Variants in EBF4 observed in about 807,000 individuals in gnomAD.
The protein encoded by EBF4 is EBF transcription factor 4, also known as transcription factor COE4.
EBF4 carries 34 observed loss-of-function variants against 67.1 expected under a neutral mutation model. That is an observed-to-expected ratio of 0.51 (90% CI 0.39 to 0.67). EBF4 has a LOEUF of 0.67. EBF4 is among the 30% of genes least tolerant of loss of function. EBF4 has a pLI of 0.00. For synonymous variants in EBF4, 387 were observed against 377.7 expected (o/e 1.02, Z -0.29); for missense variants, 837 against 873.3 (o/e 0.96, Z 0.52).
At chr20:2,699,756 G>A (rs192321307) in intron 1 of EBF4, among the ~76,000 whole-genome samples, 1 of 152,344 alleles carries the variant, frequency 6.6e-6, no homozygotes, top group East Asian at 1.9e-4. Flanking sequence ...AGCTGTTTCT[G>A]AATTATGGGT....
rs1052085988 is a variant in EBF4, at chr20:2,751,967, G to C, written c.1153G>C (p.Gly385Arg). The C allele has an allele frequency of 1.3e-6, 2 of 1,548,560 alleles. No individual in the cohort carries two copies. The highest frequency in any genetic ancestry group is 2.7e-5 in the African/African-American group (2 of 72,990). Residue 385 changes from glycine to arginine, a missense_variant, in exon 12 of 17, where the codon GGA becomes CGA. This residue lies in a region of EBF4 where 525 missense variants were observed against 496.5 expected (regional missense o/e 1.06). Transcript: ENST00000609451. This position sits in a 1 kb window ranked among gnomAD's most constrained non-coding sequence, Gnocchi z 5.2. ...GGCCGACTTGGCAGAAGCCCTGTAC[G>C]GAGTGCCCGGCAGTAACCAGGTATG...
At chr20:2,712,880 T>C (rs2087561936) in intron 6 of EBF4, among the ~76,000 whole-genome samples, 1 of 152,082 alleles carries the variant, frequency 6.6e-6, no homozygotes, top group Admixed American at 6.6e-5. Context: ...TGCTCATGGG[T>C]ATGATAACAA....
At chr20:2,705,842 G>GAC (rs2087449089) in intron 2 of EBF4, 109 bp downstream of exon 2, 1 of 1,244,128 alleles carries the variant, frequency 8.0e-7, no homozygotes, top group Non-Finnish European at 1.1e-6. Context: ...CACACACTGG[G>GAC]ACAGATGAAT....
intron 1 of EBF4, among the ~76,000 whole-genome samples, chr20:2,703,313 G>A (rs890320559): frequency 6.7e-6 from 1 of 150,350 alleles, no homozygotes; most frequent in Non-Finnish European, 1.5e-5. Flanking sequence ...GCTCACACCT[G>A]TAATCCCAGC....
In EBF4 at chr20:2,751,717, A is replaced by G. The variant is rs753504708; in HGVS notation, c.1036A>G (p.Ile346Val). The G allele has an allele frequency of 3.3e-6, 5 of 1,520,382 alleles. No individual in the cohort carries two copies. The East Asian group carries it at 7.8e-5, about 24-fold the overall frequency. 94.2% of individuals were successfully genotyped at this position (1,520,382 alleles called of 1,614,324 possible). ...TTCCCCAGCTCTGAACGAGCCCACC[A>G]TTGACTACGGATTCCAGAGGCTACA... The change falls in exon 11 of 17, where the codon ATT becomes GTT. Residue 346 changes from isoleucine (I) to valine (V), a missense_variant. By Grantham distance (29) the Ile-to-Val change is conservative (BLOSUM62 3). Around this residue, in one of 3 missense-constraint regions of EBF4, gnomAD observed 525 missense variants for 496.5 expected, o/e 1.06. Transcript: ENST00000609451. The surrounding 1 kb of genome is among the most constrained non-coding windows in gnomAD (Gnocchi z 5.2).
chr20:2,709,392 C>T (rs1441141998), intron 5 of EBF4, among the ~76,000 whole-genome samples, 182 bp from the exon 6 acceptor site: 2 of 151,278 alleles, frequency 1.3e-5, no homozygotes, highest in African/African-American at 2.4e-5. Flanking sequence ...AGGGTCCCTG[C>T]GGAGGAGCCC....
intron 6 of EBF4, among the ~76,000 whole-genome samples, chr20:2,719,500 C>G (rs1320129193): frequency 6.6e-6 from 1 of 152,168 alleles, no homozygotes; most frequent in Non-Finnish European, 1.5e-5. Flanking sequence ...GTCTCAAACT[C>G]CTGACCTCAA....
chr20:2,755,711 C>T lies in EBF4; in HGVS notation c.1625C>T (p.Ser542Leu), dbSNP rs375399421. The change falls in exon 15 of 17, where the codon TCG becomes TTG. Residue 542 changes from serine to leucine, a missense_variant. Physicochemically the swap from Ser to Leu is moderately radical, Grantham distance 145. Transcript: ENST00000609451. The surrounding 1 kb of genome is among the most constrained non-coding windows in gnomAD (Gnocchi z 4.7). Reference sequence around the variant, plus strand: ...CCCACCACCAGCGTGTTCTCCTTCTCGCCTGTCAACATGATCTCCGCCGTC... The same window carrying T: ...CCCACCACCAGCGTGTTCTCCTTCTTGCCTGTCAACATGATCTCCGCCGTC... The T allele has an allele frequency of 1.2e-5, 18 of 1,550,520 alleles. No homozygotes were observed. The African/African-American group carries it at 1.4e-4, about 12-fold the overall frequency.
chr20:2,707,188 T>TG lies in EBF4; in HGVS notation c.415-754dup, dbSNP rs147178464. ...TCTAGAATACCCATGGCCACTGGGC[T>TG]GGGGGAGGCAGGCCAGGCAGTGCCT... On this transcript the variant is annotated intron_variant, in intron 4 of 16. Transcript: ENST00000609451. The surrounding 1 kb of genome is among the most constrained non-coding windows in gnomAD (Gnocchi z 4.6). Among the ~76,000 whole-genome samples the TG allele has an allele frequency of 6.2e-3, 943 of 152,034 alleles. 7 individuals carry two copies. The highest frequency in any genetic ancestry group is 0.017 in the Middle Eastern group (5 of 294).
chr20:2,693,536 C>G, upstream of EBF4: 1 of 1,254,470 alleles, frequency 8.0e-7, no homozygotes, highest in Non-Finnish European at 1.0e-6. The surrounding 1 kb of genome is among the most constrained non-coding windows in gnomAD (Gnocchi z 4.6). Flanking sequence ...GGACTCGGCG[C>G]TGCGCTGCTG....
At position 2,730,767 on chromosome 20, in the gene EBF4, G is replaced by A. The variant is rs1300809479; in HGVS notation, c.558-17782G>A. 5.3e-5 allele frequency among the ~76,000 whole-genome samples: 8 copies of A among 152,178 alleles called. No homozygotes were observed. The East Asian group carries it at 5.8e-4, about 11-fold the overall frequency. On this transcript the variant is annotated intron_variant, in intron 6 of 16. Coordinates refer to ENST00000609451, the Ensembl canonical transcript of EBF4. ...AAAACAGGACGCGCAGGGCCCTGTC[G>A]GCTGTGCAGCAGCTCTGCTGGTAGA...
intron 6 of EBF4, among the ~76,000 whole-genome samples, chr20:2,717,990 T>C (rs984707606): frequency 1.3e-5 from 2 of 152,156 alleles, no homozygotes; most frequent in Non-Finnish European, 2.9e-5. Flanking sequence ...TTTGTATTTT[T>C]AGTAGAGACG....
At position 2,696,116 on chromosome 20, in the gene EBF4, T is replaced by C. The variant is rs370056011; in HGVS notation, c.137+2334T>C. ...CTCCCCTAAAACCATCTTCCCTGCATTGGGGACCAAAGCAGTATTTCCAAA... is the reference window on the plus strand; with the variant it reads ...CTCCCCTAAAACCATCTTCCCTGCACTGGGGACCAAAGCAGTATTTCCAAA... On this transcript the variant is annotated intron_variant, in intron 1 of 16. Transcript: ENST00000609451. The surrounding 1 kb of genome is among the most constrained non-coding windows in gnomAD (Gnocchi z 4.7). 3.8e-4 allele frequency among the ~76,000 whole-genome samples: 58 copies of C among 152,328 alleles called. 2 individuals carry two copies. The highest frequency in any genetic ancestry group is 1.2e-3 in the African/African-American group (48 of 41,570).
At chr20:2,724,160 T>C (rs1311966822) in intron 6 of EBF4, among the ~76,000 whole-genome samples, 6 of 152,218 alleles carry the variant, frequency 3.9e-5, no homozygotes, top group Admixed American at 3.9e-4. Context: ...CATTGGCAGT[T>C]TGAAATCAAC....
chr20:2,737,286 G>A (rs1003405346), intron 6 of EBF4, among the ~76,000 whole-genome samples: 1 of 151,848 alleles, frequency 6.6e-6, no homozygotes, highest in Non-Finnish European at 1.5e-5. Context: ...GAAGATTGGG[G>A]GAAGAGGGGG....
intron 6 of EBF4, among the ~76,000 whole-genome samples, chr20:2,727,295 A>G (rs1415559951): frequency 6.6e-6 from 1 of 152,118 alleles, no homozygotes; most frequent in African/African-American, 2.4e-5. Flanking sequence ...GGGTGTGCAG[A>G]TATCTCTCTG....
intron 1 of EBF4, among the ~76,000 whole-genome samples, chr20:2,698,265 C>T (rs11699433): frequency 0.24 from 36,429 of 152,210 alleles, 4,693 homozygotes; most frequent in East Asian, 0.5. Flanking sequence ...GGACCCTCCC[C>T]AGACCCAAAC....
chr20:2,757,167 G>T (rs903887192), intron 15 of EBF4, among the ~76,000 whole-genome samples: 1 of 152,182 alleles, frequency 6.6e-6, no homozygotes, highest in African/African-American at 2.4e-5. Context: ...GCTCTATGGA[G>T]CCTCTGTGCT....
At position 2,751,682 on chromosome 20, in the gene EBF4, C is replaced by T. The variant is rs1490201894; in HGVS notation, c.1019-18C>T. ...GGCTGCGGGGGAGACGTCCTCCAAA[C>T]GCCGCCCCCTTCCCCAGCTCTGAAC... On this transcript the variant is annotated intron_variant, in intron 10 of 16. Transcript: ENST00000609451. This position sits in a 1 kb window ranked among gnomAD's most constrained non-coding sequence, Gnocchi z 5.2. The T allele has an allele frequency of 6.5e-7, 1 of 1,550,306 alleles. No homozygotes were observed. The highest frequency in any genetic ancestry group is 1.2e-5 in the South Asian group (1 of 84,046).
Sources: gnomAD v4.1 joint callset for allele counts (sites outside exome capture counted in the v4.1 genomes callset) on GRCh38, gnomAD v4.1.1 for gene constraint, gnomAD v4.1.1 regional missense constraint, Gnocchi (gnomAD v3.1) non-coding constraint, MANE v1.5 for transcripts, NCBI Gene and HGNC (gene_info 2026-07-23, HGNC 2026-07-21) for gene names.